The following GABRA3 variants were observed in gnomAD, a reference collection of about 807,000 sequenced individuals.
GABRA3 encodes the protein gamma-aminobutyric acid type A receptor subunit alpha3.
In GABRA3, 10 loss-of-function variants were observed where a neutral mutation model predicts 30.1. The observed-to-expected ratio is 0.33, with a 90% CI of 0.20 to 0.56. The LOEUF is 0.56. Ranked by LOEUF, GABRA3 falls within the 20% of genes least tolerant of loss-of-function variation. GABRA3 has a pLI of 0.89. For synonymous variants in GABRA3, 151 were observed against 146.8 expected, an observed-to-expected ratio of 1.03 and a Z score of -0.21; for missense variants, 233 against 392.0, an observed-to-expected ratio of 0.59 and a Z score of 3.42.
At chrX:152,412,921 A>G (rs1228353097) in intron 1 of GABRA3, among the ~76,000 whole-genome samples, 1 of 111,235 alleles carries the variant, frequency 9.0e-6, no homozygotes, top group Non-Finnish European at 1.9e-5. Context: ...GGAGGAGGAG[A>G]GAGAAAAGAG....
chrX:152,260,394 C>G (rs1044201153), intron 4 of GABRA3, among the ~76,000 whole-genome samples: 58 of 110,867 alleles, frequency 5.2e-4, no homozygotes, highest in African/African-American at 1.9e-3. Flanking sequence ...TGAACATAGG[C>G]AGTAGCCAGG....
At chrX:152,179,476 C>T (rs370328877) in intron 9 of GABRA3, among the ~76,000 whole-genome samples, 2 of 109,664 alleles carry the variant, frequency 1.8e-5, no homozygotes, top group African/African-American at 6.7e-5. Context: ...CCATTCTACC[C>T]TCTGCTTCTG....
At chrX:152,204,663 T>A (rs1447361930) in intron 7 of GABRA3, among the ~76,000 whole-genome samples, 1 of 112,360 alleles carries the variant, frequency 8.9e-6, no homozygotes, top group African/African-American at 3.2e-5. Flanking sequence ...CAAAAATTGA[T>A]CATTAGTAAT....
intron 1 of GABRA3, among the ~76,000 whole-genome samples, chrX:152,416,079 A>G (rs1001602590): frequency 5.6e-5 from 6 of 107,753 alleles, no homozygotes; most frequent in African/African-American, 2.0e-4. Context: ...AGGAAGTCAA[A>G]TTGTCCCTGT....
At chrX:152,194,847 C>T (rs971206159) in intron 8 of GABRA3, among the ~76,000 whole-genome samples, 53 of 111,131 alleles carry the variant, frequency 4.8e-4, no homozygotes, top group African/African-American at 1.6e-3. Flanking sequence ...GCAGCCTCAA[C>T]CTCCCAGGCC....
At chrX:152,296,228 C>T (rs1414132683) in intron 3 of GABRA3, among the ~76,000 whole-genome samples, 1 of 111,819 alleles carries the variant, frequency 8.9e-6, no homozygotes, top group Non-Finnish European at 1.9e-5. Flanking sequence ...TGTAAATGAG[C>T]TCCCAGGTGA....
At chrX:152,424,727 A>G (rs1255627079) in intron 1 of GABRA3, among the ~76,000 whole-genome samples, 7 of 109,958 alleles carry the variant, frequency 6.4e-5, no homozygotes, top group African/African-American at 1.7e-4. Context: ...CTTCACTACT[A>G]TAATATGCTT....
At chrX:152,433,690 T>C (rs547148158) in intron 1 of GABRA3, among the ~76,000 whole-genome samples, 4 of 54,093 alleles carry the variant, frequency 7.4e-5, no homozygotes, top group South Asian at 1.5e-3. Flanking sequence ...TTCAATGAAA[T>C]AGAATGAAGG....
At chrX:152,442,462 G>A (rs1930958128) in intron 1 of GABRA3, among the ~76,000 whole-genome samples, 1 of 105,449 alleles carries the variant, frequency 9.5e-6, no homozygotes, top group Admixed American at 1.0e-4. Context: ...GAAAAAAATA[G>A]AAGTTAAAAT....
intron 1 of GABRA3, among the ~76,000 whole-genome samples, chrX:152,368,461 G>A (rs887983152): frequency 3.6e-5 from 4 of 111,013 alleles, no homozygotes; most frequent in African/African-American, 1.3e-4. Context: ...TGTCACAAAT[G>A]ACAAGATTTC....
rs1274042962 is a variant in GABRA3, at chrX:152,348,813, T to TA, written c.141-3112dup. On this transcript the variant is annotated intron_variant, in intron 2 of 9. Coordinates refer to ENST00000370314, the MANE Select transcript of GABRA3 (RefSeq NM_000808.4). Reference sequence around the variant, plus strand: ...ACCTTAATTAAAAATACTTTATTGCTAAAAAAATGCTAAGAATCATCTGAC... The same window carrying TA: ...ACCTTAATTAAAAATACTTTATTGCTAAAAAAAATGCTAAGAATCATCTGAC... Among the ~76,000 whole-genome samples, 6 of 112,279 alleles carry TA rather than the reference T, an allele frequency of 5.3e-5. No individual in the cohort carries two copies. The East Asian group carries it at 8.4e-4, about 16-fold the overall frequency.
intron 1 of GABRA3, chrX:152,392,081 T>C (rs1008120006): frequency 1.7e-5 from 4 of 239,720 alleles, no homozygotes; most frequent in Non-Finnish European, 3.4e-5. Context: ...AGAACTGGGA[T>C]TTAAGTCCAA....
At chrX:152,174,691 GC>G (rs1937049892) in intron 9 of GABRA3, among the ~76,000 whole-genome samples, 1 of 110,187 alleles carries the variant, frequency 9.1e-6, no homozygotes, top group East Asian at 3.0e-4. Flanking sequence ...CTGGATATTA[GC>G]CCTTTGTCAG....
chrX:152,235,556 C>A (rs191305816), intron 5 of GABRA3, among the ~76,000 whole-genome samples: 5 of 94,100 alleles, frequency 5.3e-5, no homozygotes, highest in South Asian at 4.5e-4. Flanking sequence ...ACAGAATCAA[C>A]GGGAAAAATT....
chrX:152,383,554 T>C (rs1329531004), intron 1 of GABRA3, among the ~76,000 whole-genome samples: 3 of 109,887 alleles, frequency 2.7e-5, no homozygotes, highest in African/African-American at 9.9e-5. Flanking sequence ...TTATGTCTAC[T>C]AGAATGCAAA....
intron 6 of GABRA3, among the ~76,000 whole-genome samples, chrX:152,221,404 T>C (rs1217186776): frequency 8.9e-6 from 1 of 111,951 alleles, no homozygotes; most frequent in Non-Finnish European, 1.9e-5. Context: ...GCAACAATAA[T>C]ACCTTTTCTA....
At chrX:152,448,605 A>G (rs1170386355) in intron 1 of GABRA3, among the ~76,000 whole-genome samples, 1 of 111,738 alleles carries the variant, frequency 8.9e-6, no homozygotes, top group Non-Finnish European at 1.9e-5. Flanking sequence ...GTCCCACTGC[A>G]TTGTATCCCC....
chrX:152,380,747 C>T (rs140492488), intron 1 of GABRA3, among the ~76,000 whole-genome samples: 1,576 of 111,576 alleles, frequency 0.014, 13 homozygotes, highest in African/African-American at 0.048. Flanking sequence ...GTATTAATGC[C>T]GGCACTTATC....
At chrX:152,275,208 A>ATAATTTATATT (rs1939032549) in intron 4 of GABRA3, among the ~76,000 whole-genome samples, 3 of 50,887 alleles carry the variant, frequency 5.9e-5, no homozygotes, top group African/African-American at 1.3e-4. Context: ...ATTTATATAT[A>ATAATTTATATT]TAATATTATA....
Sources: allele counts gnomAD v4.1 joint callset (sites outside exome capture counted in the v4.1 genomes callset), GRCh38; gene constraint gnomAD v4.1.1; transcripts MANE v1.5; gene names NCBI Gene and HGNC (gene_info 2026-07-23, HGNC 2026-07-21).